The following AGTPBP1 variants were observed in gnomAD, a reference collection of about 807,000 sequenced individuals.
AGTPBP1 encodes cytosolic carboxypeptidase 1.
Under a neutral mutation model 143.9 loss-of-function variants are expected in AGTPBP1, and 70 were observed. That is an observed-to-expected ratio of 0.49 (90% CI 0.40 to 0.59). The LOEUF (loss-of-function observed/expected upper bound fraction) is 0.59, where lower values mean the gene tolerates loss of function less well. Ranked by LOEUF, AGTPBP1 falls within the 20% of genes least tolerant of loss-of-function variation. AGTPBP1 has a pLI of 0.00. For missense variants in AGTPBP1, 1,229 were observed against 1,464.5 expected (o/e 0.84, Z 2.62); for synonymous variants, 463 against 500.2 (o/e 0.93, Z 0.99).
At chr9:85,606,408 T>C (rs1426406108) in intron 17 of AGTPBP1, among the ~76,000 whole-genome samples, 2 of 147,582 alleles carry the variant, frequency 1.4e-5, no homozygotes, top group African/African-American at 2.5e-5. Flanking sequence ...AAAAAAAAGA[T>C]GTTAGTGAGG....
intron 12 of AGTPBP1, among the ~76,000 whole-genome samples, chr9:85,644,291 AT>A (rs1832679321): frequency 6.6e-6 from 1 of 151,936 alleles, no homozygotes; most frequent in South Asian, 2.1e-4. Context: ...TAATGTAATA[AT>A]TTTCTTAACA....
At chr9:85,726,056 CAAAAA>C (rs948203314) in intron 1 of AGTPBP1, among the ~76,000 whole-genome samples, 1 of 40,786 alleles carries the variant, frequency 2.5e-5, no homozygotes, top group Non-Finnish European at 4.6e-5. Context: ...GACTCCATCT[CAAAAA>C]AAAAAAAAAA....
chr9:85,688,116 A>AAAAAAAAAAAAAAAAAAAAC (rs1835612715), intron 3 of AGTPBP1, among the ~76,000 whole-genome samples: 1 of 149,472 alleles, frequency 6.7e-6, no homozygotes, highest in Non-Finnish European at 1.5e-5. Context: ...AAAAAAAAAA[A>AAAAAAAAAAAAAAAAAAAAC]AAAAGGCAAA....
Position 85,592,644 on chromosome 9 carries a change from T to C in AGTPBP1, c.2484A>G (p.Thr828=). 1 of 1,612,168 alleles carries C rather than the reference T, an allele frequency of 6.2e-7. No individual in the cohort carries two copies. The highest frequency in any genetic ancestry group is 8.5e-7 in the Non-Finnish European group (1 of 1,179,298). The change falls in exon 19 of 26, where the codon ACA becomes ACG. Residue 828 remains threonine (T), a synonymous_variant. Coordinates refer to ENST00000357081, the MANE Select transcript of AGTPBP1 (RefSeq NM_001330701.2). ...GTGGAAAATTGACAGTAAATGTAAT[T>C]GTATAGTAGGATTTTCCCTTTTGCC... is the stretch of plus-strand genomic sequence containing the variant. ...AGGQKGKSYY[T]ITFTVNFPHK... is the part of the protein sequence containing the mutation.
intron 25 of AGTPBP1, among the ~76,000 whole-genome samples, chr9:85,557,946 T>C (rs1262474358): frequency 6.6e-6 from 1 of 152,186 alleles, no homozygotes; most frequent in Non-Finnish European, 1.5e-5. Flanking sequence ...TGAAAAATAA[T>C]ATGATGGTAA....
Position 85,574,013 on chromosome 9 carries a change from T to C in AGTPBP1, c.3503+1302A>G, listed in dbSNP as rs1484860965. 2.8e-4 allele frequency among the ~76,000 whole-genome samples: 42 copies of C among 151,746 alleles called. 1 individual carries two copies. Among genetic ancestry groups the C allele is most frequent in the African/African-American group, 9.9e-4 (41 of 41,352 alleles). ...GAACGGGCCATGATGACAATGGCGG[T>C]TTTGTGGAATAGAAAAGGGGGAAAG... is the stretch of plus-strand genomic sequence containing the variant. On this transcript the variant is annotated intron_variant, in intron 25 of 25. Transcript: ENST00000357081.
At chr9:85,796,179 T>G in the AGTPBP1 span, among the ~76,000 whole-genome samples, 2 of 152,130 alleles carry the variant, frequency 1.3e-5, no homozygotes, top group Non-Finnish European at 2.9e-5. Flanking sequence ...CATACATATA[T>G]ACACATACCC....
At chr9:85,654,781 T>C (rs1833390004) in intron 11 of AGTPBP1, among the ~76,000 whole-genome samples, 1 of 151,498 alleles carries the variant, frequency 6.6e-6, no homozygotes, top group African/African-American at 2.4e-5. Context: ...AGGCAGAGGT[T>C]GCAGTGAGCC....
At chr9:85,777,548 G>A in the AGTPBP1 span, among the ~76,000 whole-genome samples, 1 of 152,208 alleles carries the variant, frequency 6.6e-6, no homozygotes, top group Non-Finnish European at 1.5e-5. Context: ...GACAGGGGTG[G>A]CTGGGGAAAG....
intron 14 of AGTPBP1, among the ~76,000 whole-genome samples, chr9:85,626,727 G>C (rs1831321632): frequency 6.6e-6 from 1 of 152,122 alleles, no homozygotes; most frequent in Non-Finnish European, 1.5e-5. Context: ...CCACATGACA[G>C]CCATTCAACT....
At chr9:85,692,604 A>G (rs1247788355) in intron 3 of AGTPBP1, 85 bp downstream of exon 3, 2 of 1,510,568 alleles carry the variant, frequency 1.3e-6, no homozygotes, top group Non-Finnish European at 1.8e-6. Context: ...AAAATCATCC[A>G]TTATTAGAAG....
chr9:85,753,311 A>G, the AGTPBP1 span: 3 of 1,613,784 alleles, frequency 1.9e-6, no homozygotes, highest in Non-Finnish European at 2.5e-6. Flanking sequence ...TATAGGAACT[A>G]CAATTAAAAA....
intron 12 of AGTPBP1, among the ~76,000 whole-genome samples, chr9:85,644,346 A>C (rs950747002): frequency 4.6e-5 from 7 of 151,962 alleles, no homozygotes; most frequent in African/African-American, 1.7e-4. Flanking sequence ...AATAATTTAC[A>C]AAGATATTCT....
intron 25 of AGTPBP1, among the ~76,000 whole-genome samples, chr9:85,572,004 GTTTTTTTTTTTTTTTTT>G (rs55882437): frequency 3.7e-3 from 162 of 43,474 alleles, no homozygotes; most frequent in African/African-American, 7.9e-3. Context: ...GTTTGTGTGT[GTTTTTTTTTTTTTTTTT>G]TTTTTTTTTT....
At chr9:85,689,640 A>G (rs1835711008) in intron 3 of AGTPBP1, among the ~76,000 whole-genome samples, 1 of 151,988 alleles carries the variant, frequency 6.6e-6, no homozygotes, top group African/African-American at 2.4e-5. Flanking sequence ...CACGCCTGTA[A>G]TCCCAGCACT....
chr9:85,708,168 T>C (rs529482142), intron 2 of AGTPBP1, among the ~76,000 whole-genome samples: 2 of 152,332 alleles, frequency 1.3e-5, no homozygotes, highest in Admixed American at 6.5e-5. Flanking sequence ...GTCACCTGTA[T>C]TCATTGGCTC....
chr9:85,705,669 TAGAG>T (rs1836940334), intron 2 of AGTPBP1, among the ~76,000 whole-genome samples: 1 of 152,050 alleles, frequency 6.6e-6, no homozygotes, highest in African/African-American at 2.4e-5. Flanking sequence ...GCACAAAGGT[TAGAG>T]AGAGGGGAAG....
At chr9:85,645,682 G>C (rs1346772306) in intron 12 of AGTPBP1, among the ~76,000 whole-genome samples, 9 of 151,886 alleles carry the variant, frequency 5.9e-5, no homozygotes, top group African/African-American at 9.7e-5. Context: ...CCCAGCAATA[G>C]GCTAAACAGC....
rs1229993857 is a variant in AGTPBP1, at chr9:85,570,403, C to T, written c.3503+4912G>A. On this transcript the variant is annotated intron_variant, in intron 25 of 25. Transcript: ENST00000357081. ...TCCATTGCTAACTTTGTTTCCTTCA[C>T]GTTCAGCTGCTATTTCTTTACCAAA... Among the ~76,000 whole-genome samples the T allele has an allele frequency of 4.6e-5, 7 of 152,178 alleles. No homozygotes were observed. In the East Asian group the frequency reaches 7.7e-4, roughly 17 times the overall value.
Sources: gnomAD v4.1 joint callset for allele counts (sites outside exome capture counted in the v4.1 genomes callset) on GRCh38, gnomAD v4.1.1 for gene constraint, MANE v1.5 for transcripts, NCBI Gene and HGNC (gene_info 2026-07-23, HGNC 2026-07-21) for gene names.